Variants in DDC observed in about 807,000 individuals in gnomAD.
DDC encodes the protein aromatic-L-amino-acid decarboxylase.
A neutral mutation model predicts 60.0 loss-of-function variants in DDC; 43 were observed. The ratio of observed to expected loss-of-function variants is 0.72; its 90% CI spans 0.56 to 0.92. The LOEUF (loss-of-function observed/expected upper bound fraction) is 0.92. Among genes scored for constraint, DDC ranks in the 40% least tolerant of loss-of-function variants. The pLI is 0.00. For missense variants in DDC, 573 were observed against 620.2 expected, an observed-to-expected ratio of 0.92 and a Z score of 0.81; for synonymous variants, 232 against 234.6, an observed-to-expected ratio of 0.99 and a Z score of 0.10.
intron 6 of DDC, among the ~76,000 whole-genome samples, chr7:50,523,737 T>G (rs2043962147): frequency 6.6e-6 from 1 of 152,176 alleles, no homozygotes; most frequent in Non-Finnish European, 1.5e-5. Flanking sequence ...AATGGTACAG[T>G]CTCTTTGAAA....
chr7:50,472,347 A>T (rs557094371), intron 11 of DDC, among the ~76,000 whole-genome samples: 1 of 152,342 alleles, frequency 6.6e-6, no homozygotes, highest in Admixed American at 6.5e-5. Flanking sequence ...TTCATGGGTC[A>T]TCTGAAAGGA....
chr7:50,549,809 G>C (rs144724094), intron 1 of DDC, among the ~76,000 whole-genome samples: 53 of 152,308 alleles, frequency 3.5e-4, no homozygotes, highest in African/African-American at 1.2e-3. Flanking sequence ...GGTGGAAATA[G>C]AGAACTAGAA....
intron 14 of DDC, among the ~76,000 whole-genome samples, chr7:50,460,010 G>T (rs2042227027): frequency 1.4e-5 from 2 of 147,290 alleles, no homozygotes; most frequent in Non-Finnish European, 1.5e-5. Context: ...CTACTGGGAA[G>T]TGAGGATCCC....
At chr7:50,465,161 A>T (rs11982708) in intron 13 of DDC, among the ~76,000 whole-genome samples, 2 of 152,200 alleles carry the variant, frequency 1.3e-5, no homozygotes, top group Non-Finnish European at 2.9e-5. Flanking sequence ...AAGTGAAGAA[A>T]ACAGTCATAA....
At chr7:50,460,222 C>T (rs1482557886) in intron 14 of DDC, among the ~76,000 whole-genome samples, 2 of 144,796 alleles carry the variant, frequency 1.4e-5, no homozygotes, top group African/African-American at 2.6e-5. Context: ...CCGCCCCGTC[C>T]GGGAGGGAGG....
chr7:50,514,332 T>G (rs2043668530), intron 6 of DDC, among the ~76,000 whole-genome samples: 1 of 151,924 alleles, frequency 6.6e-6, no homozygotes, highest in Non-Finnish European at 1.5e-5. Context: ...TGAACAACAG[T>G]CTTCAGCCCT....
chr7:50,521,669 A>T (rs2043894084), intron 6 of DDC, among the ~76,000 whole-genome samples: 1 of 152,220 alleles, frequency 6.6e-6, no homozygotes, highest in South Asian at 2.1e-4. Flanking sequence ...TCTCATGATT[A>T]TGTAAATAGA....
At chr7:50,481,393 C>A (rs2042765015) in intron 9 of DDC, among the ~76,000 whole-genome samples, 1 of 152,066 alleles carries the variant, frequency 6.6e-6, no homozygotes, top group Non-Finnish European at 1.5e-5. Flanking sequence ...GGTCTCTCTG[C>A]ATTAGAGAAA....
intron 1 of DDC, among the ~76,000 whole-genome samples, chr7:50,554,245 G>A (rs193238844): frequency 2.0e-5 from 3 of 152,208 alleles, no homozygotes; most frequent in African/African-American, 7.2e-5. Flanking sequence ...TGAGATGATG[G>A]GGTGAGAGCC....
chr7:50,503,895 T>C, intron 7 of DDC, 98 bp downstream of exon 7: 1 of 883,402 alleles, frequency 1.1e-6, no homozygotes, highest in Non-Finnish European at 1.9e-6. Flanking sequence ...CATCACAATA[T>C]GAAGTTAACG....
intron 6 of DDC, among the ~76,000 whole-genome samples, chr7:50,516,607 A>C (rs1373226116): frequency 3.9e-5 from 6 of 152,174 alleles, no homozygotes; most frequent in African/African-American, 1.4e-4. Context: ...ATTGAAACAA[A>C]AAAAAAATAC....
At position 50,543,376 on chromosome 7, in the gene DDC, C is replaced by T. The variant is rs11575295; in HGVS notation, c.201+509G>A. The T allele has an allele frequency of 8.4e-3, 1,896 of 226,940 alleles. 39 individuals are homozygous for T. The highest frequency in any genetic ancestry group is 0.041 in the African/African-American group (1,796 of 44,112). The allele number at this position is 226,940 out of a possible 1,614,324, so 14.1% of individuals were successfully genotyped here. A position where few individuals can be genotyped will look rare whatever the true frequency, so the allele number is the denominator to read the frequency against. ...ATTTCTGCCCTCTGTGTACCCCAGG[C>T]CTACTGGCTTCAGAGAAAAAGGGCT... On this transcript the variant is annotated intron_variant, in intron 2 of 14. Transcript: ENST00000444124.
chr7:50,560,169 G>A (rs1424002895), intron 1 of DDC, among the ~76,000 whole-genome samples: 1 of 152,152 alleles, frequency 6.6e-6, no homozygotes, highest in Non-Finnish European at 1.5e-5. Context: ...TGGCACCCTT[G>A]ACAAACCAAC....
chr7:50,484,483 C>A (rs1303369178), intron 9 of DDC, among the ~76,000 whole-genome samples: 2 of 152,146 alleles, frequency 1.3e-5, no homozygotes, highest in Admixed American at 6.6e-5. Flanking sequence ...TCAGTATTTG[C>A]AGCTTCCCAT....
At chr7:50,547,846 T>C (rs2044857297) in intron 1 of DDC, among the ~76,000 whole-genome samples, 1 of 152,230 alleles carries the variant, frequency 6.6e-6, no homozygotes, top group South Asian at 2.1e-4. Context: ...GTGACAATAA[T>C]AGTATAGGTA....
intron 7 of DDC, among the ~76,000 whole-genome samples, chr7:50,501,630 C>T (rs1371690527): frequency 6.6e-6 from 1 of 152,168 alleles, no homozygotes; most frequent in Non-Finnish European, 1.5e-5. Context: ...AAGGTCAGCT[C>T]AGGATCTCAG....
intron 9 of DDC, among the ~76,000 whole-genome samples, chr7:50,491,218 C>T (rs560048318): frequency 4.6e-5 from 7 of 152,264 alleles, no homozygotes; most frequent in East Asian, 3.9e-4. Context: ...TATTTATATA[C>T]GTAAATCACT....
chr7:50,481,054 G>A (rs2042757430), intron 9 of DDC, among the ~76,000 whole-genome samples: 1 of 152,192 alleles, frequency 6.6e-6, no homozygotes. Flanking sequence ...GAGAAGAAAT[G>A]TTAATCTGAC....
chr7:50,505,676 G>T (rs1044569577), intron 6 of DDC, among the ~76,000 whole-genome samples: 1 of 152,246 alleles, frequency 6.6e-6, no homozygotes, highest in Admixed American at 6.5e-5. Context: ...CCTCTCACAG[G>T]TGGCTGGGCT....
Sources: gnomAD v4.1 joint callset for allele counts (sites outside exome capture counted in the v4.1 genomes callset) on GRCh38, gnomAD v4.1.1 for gene constraint, MANE v1.5 for transcripts, NCBI Gene and HGNC (gene_info 2026-07-23, HGNC 2026-07-21) for gene names.